Variants in CCDC148 observed in about 807,000 individuals in gnomAD.
CCDC148 encodes coiled-coil domain-containing protein 148.
In CCDC148, 89 loss-of-function variants were observed where a neutral mutation model predicts 85.7. The ratio of observed to expected loss-of-function variants is 1.04; its 90% CI spans 0.87 to 1.24. The LOEUF (loss-of-function observed/expected upper bound fraction) is 1.24. Ranked by LOEUF, CCDC148 falls within the 50% of genes most tolerant of loss-of-function variation. The pLI is 0.00. For missense variants in CCDC148, 692 were observed against 671.7 expected, an observed-to-expected ratio of 1.03 and a Z score of -0.33; for synonymous variants, 230 against 213.9, an observed-to-expected ratio of 1.08 and a Z score of -0.66.
chr2:158,334,250 C>T (rs1277256298), intron 7 of CCDC148, among the ~76,000 whole-genome samples: 4 of 152,130 alleles, frequency 2.6e-5, no homozygotes, highest in Non-Finnish European at 5.9e-5. Flanking sequence ...GGTTTCTGCT[C>T]ATGTATTTCT....
intron 1 of CCDC148, among the ~76,000 whole-genome samples, chr2:158,382,758 C>A (rs1267086612): frequency 4.1e-5 from 6 of 144,878 alleles, no homozygotes; most frequent in Non-Finnish European, 3.0e-5. Flanking sequence ...ACTAAAAATA[C>A]AAAAAAAAAA....
chr2:158,350,829 T>C (rs1683227949), intron 2 of CCDC148, among the ~76,000 whole-genome samples: 1 of 152,244 alleles, frequency 6.6e-6, no homozygotes, highest in African/African-American at 2.4e-5. Flanking sequence ...TTATATAAAA[T>C]ATACGTTAAA....
chr2:158,207,881 T>C (rs751831907), intron 11 of CCDC148, among the ~76,000 whole-genome samples: 2 of 152,150 alleles, frequency 1.3e-5, no homozygotes, highest in Non-Finnish European at 2.9e-5. Context: ...AGGGAAATTA[T>C]AAATCTGAAT....
At chr2:158,444,729 G>A (rs1271753160) in intron 1 of CCDC148, among the ~76,000 whole-genome samples, 1 of 143,202 alleles carries the variant, frequency 7.0e-6, no homozygotes, top group Non-Finnish European at 1.5e-5. Flanking sequence ...AGACCGCAGG[G>A]AGCTGAGATT....
intron 7 of CCDC148, among the ~76,000 whole-genome samples, chr2:158,320,352 C>T (rs541571088): frequency 1.3e-5 from 2 of 152,188 alleles, no homozygotes; most frequent in Admixed American, 6.6e-5. Flanking sequence ...GGCACTAATA[C>T]GGCAAATAAA....
intron 1 of CCDC148, among the ~76,000 whole-genome samples, chr2:158,443,077 C>T (rs1410201358): frequency 1.3e-5 from 2 of 151,980 alleles, no homozygotes; most frequent in African/African-American, 4.8e-5. Flanking sequence ...TAAACAGCTG[C>T]TCCCTTGTTA....
At chr2:158,327,045 C>T (rs1253873435) in intron 7 of CCDC148, among the ~76,000 whole-genome samples, 1 of 152,104 alleles carries the variant, frequency 6.6e-6, no homozygotes, top group African/African-American at 2.4e-5. Context: ...GTACAATAAT[C>T]TATAAAACTA....
At position 158,398,052 on chromosome 2, in the gene CCDC148, G is replaced by A. The variant is rs575297433; in HGVS notation, c.26-39482C>T. 2.6e-5 allele frequency among the ~76,000 whole-genome samples: 4 copies of A among 152,200 alleles called. No individual in the cohort carries two copies. In the East Asian group the frequency reaches 7.7e-4, roughly 29 times the overall value. ...AGAAGGCCATTACATAATAGTAAATGGAACAATTCAACAAGAAGAGCTAAC... is the reference window on the plus strand; with the variant it reads ...AGAAGGCCATTACATAATAGTAAATAGAACAATTCAACAAGAAGAGCTAAC... On this transcript the variant is annotated intron_variant, in intron 1 of 13. Transcript: ENST00000283233.
At chr2:158,449,552 A>G (rs1318576463) in intron 1 of CCDC148, among the ~76,000 whole-genome samples, 3 of 152,036 alleles carry the variant, frequency 2.0e-5, no homozygotes, top group South Asian at 2.1e-4. Flanking sequence ...GGTTCAAGCA[A>G]TTCTCCCTGC....
intron 9 of CCDC148, among the ~76,000 whole-genome samples, chr2:158,253,507 G>A (rs903827138): frequency 6.6e-6 from 1 of 151,462 alleles, no homozygotes. Context: ...TTATTTCACT[G>A]ACCATACCAT....
At chr2:158,286,675 T>C (rs2105182802) in intron 9 of CCDC148, among the ~76,000 whole-genome samples, 1 of 152,252 alleles carries the variant, frequency 6.6e-6, no homozygotes, top group African/African-American at 2.4e-5. Context: ...AATGGAGGGT[T>C]CAGAAGTAGA....
intron 9 of CCDC148, among the ~76,000 whole-genome samples, chr2:158,272,607 G>C (rs1689746644): frequency 2.0e-5 from 3 of 152,194 alleles, no homozygotes; most frequent in Admixed American, 2.0e-4. Flanking sequence ...CAGCCCCTGA[G>C]AGTAGGATGC....
intron 9 of CCDC148, among the ~76,000 whole-genome samples, chr2:158,271,378 C>T (rs1487030150): frequency 1.3e-5 from 2 of 152,100 alleles, no homozygotes; most frequent in African/African-American, 2.4e-5. Flanking sequence ...AAAAATAAAA[C>T]ATTCATAAAT....
chr2:158,456,396 G>A lies in CCDC148; in HGVS notation c.25+19C>T. 1 of 1,611,008 alleles carries A rather than the reference G, an allele frequency of 6.2e-7. No homozygotes were observed. Among genetic ancestry groups the A allele is most frequent in the Non-Finnish European group, 8.5e-7 (1 of 1,178,642 alleles). ...CGTCAGGAGGAAGCAGCGATGGAAG[G>A]GATGGGGTGCAAACTCACCTGGAGA... On this transcript the variant is annotated intron_variant, in intron 1 of 13. Transcript: ENST00000283233.
At chr2:158,341,802 A>G (rs1228448258) in intron 3 of CCDC148, among the ~76,000 whole-genome samples, 1 of 151,676 alleles carries the variant, frequency 6.6e-6, no homozygotes, top group Non-Finnish European at 1.5e-5. Context: ...ATCCTTTAAT[A>G]TAATTATTAT....
chr2:158,178,869 T>C lies in CCDC148; in HGVS notation c.1488+10A>G, dbSNP rs771982521. ...AAAACCACCCATGAAAATTTCCAAA[T>C]GAAAAACACCTGTTTCCTAAGGGCT... On this transcript the variant is annotated intron_variant, in intron 12 of 13. Transcript: ENST00000283233. The C allele has an allele frequency of 5.0e-6, 8 of 1,595,834 alleles. No homozygotes were observed. Among genetic ancestry groups the C allele is most frequent in the African/African-American group, 1.4e-5 (1 of 73,982 alleles).
intron 10 of CCDC148, among the ~76,000 whole-genome samples, chr2:158,249,576 T>G (rs1052002649): frequency 2.0e-5 from 3 of 152,152 alleles, no homozygotes; most frequent in African/African-American, 7.2e-5. Flanking sequence ...GCAGCTGACT[T>G]TGTCAAATGA....
intron 10 of CCDC148, among the ~76,000 whole-genome samples, chr2:158,224,269 G>A (rs62175430): frequency 0.2 from 29,845 of 152,090 alleles, 3,701 homozygotes; most frequent in Middle Eastern, 0.3. Flanking sequence ...AGAGACAAAC[G>A]AATAAAAAAT....
At position 158,377,795 on chromosome 2, in the gene CCDC148, T is replaced by C. The variant is rs149079824; in HGVS notation, c.26-19225A>G. On this transcript the variant is annotated intron_variant, in intron 1 of 13. Coordinates refer to ENST00000283233, the MANE Select transcript of CCDC148 (RefSeq NM_138803.4). ...ATCTATGATTGGTGATCTTTGATGA[T>C]ACTATCGTAATTGTTTTAGTGCACC... Among the ~76,000 whole-genome samples, 16 of 152,260 alleles carry C rather than the reference T, an allele frequency of 1.1e-4. No homozygotes were observed. In the East Asian group the frequency reaches 2.9e-3, roughly 28 times the overall value.
Sources: gnomAD v4.1 joint callset for allele counts (sites outside exome capture counted in the v4.1 genomes callset) on GRCh38, gnomAD v4.1.1 for gene constraint, MANE v1.5 for transcripts, NCBI Gene and HGNC (gene_info 2026-07-23, HGNC 2026-07-21) for gene names.